The following PLCB2 variants were observed in gnomAD, a reference collection of about 807,000 sequenced individuals.
PLCB2 encodes phospholipase C beta 2.
A neutral mutation model predicts 141.7 loss-of-function variants in PLCB2; 115 were observed. The ratio of observed to expected loss-of-function variants is 0.81; its 90% CI spans 0.70 to 0.95. PLCB2 has a LOEUF of 0.95. PLCB2 is among the 40% of genes least tolerant of loss of function. The pLI, the probability that PLCB2 is intolerant of heterozygous loss-of-function variation, is 0.00. For missense variants in PLCB2, 1,403 were observed against 1,541.1 expected (o/e 0.91, Z 1.50); for synonymous variants, 603 against 595.6 (o/e 1.01, Z -0.18).
At chr15:40,298,541 A>G in intron 10 of PLCB2, 21 bp downstream of exon 10, 1 of 1,614,128 alleles carries the variant, frequency 6.2e-7, no homozygotes, top group Non-Finnish European at 8.5e-7. Context: ...AGAGGTTGGC[A>G]CCAATGTTAT....
At chr15:40,284,836 C>CAAAA (rs56397946), downstream of PLCB2, among the ~76,000 whole-genome samples, 528 of 74,798 alleles carry the variant, frequency 7.1e-3, 101 homozygotes, top group East Asian at 0.093. Flanking sequence ...GAGACTCCGT[C>CAAAA]AAAAAAAAAA....
intron 7 of PLCB2, chr15:40,301,369 A>G (rs2040496361): frequency 1.7e-6 from 1 of 597,748 alleles, no homozygotes; most frequent in Non-Finnish European, 3.0e-6. Flanking sequence ...ATATCAGCCC[A>G]GAGGGCTCCT....
intron 19 of PLCB2, among the ~76,000 whole-genome samples, chr15:40,294,043 C>G (rs2040070343): frequency 6.6e-6 from 1 of 152,234 alleles, no homozygotes; most frequent in Non-Finnish European, 1.5e-5. Flanking sequence ...CTCCCCCACC[C>G]CAGCCTCAGC....
rs1274471578 is a variant in PLCB2 at position 40,291,143 on chromosome 15, C to A, written c.2911G>T (p.Glu971Ter). 1 of 1,570,802 alleles carries A rather than the reference C, an allele frequency of 6.4e-7. No homozygotes were observed. The highest frequency in any genetic ancestry group is 2.3e-5 in the East Asian group (1 of 43,052). The part of the protein sequence containing the change: ...REESAGAAPG[E>*]GPEGVDGRVR... ...CGCCCGTCCACGCCCTCAGGGCCCT[C>A]GCCCGGCGCGGCTCCGGCGCTCTCC... is the stretch of plus-strand genomic sequence containing the variant. Residue 971 changes from glutamate to a stop codon, truncating the protein, a stop_gained, in exon 27 of 32, where the codon GAG (glutamate) becomes TAG (stop). Coordinates refer to ENST00000260402, the MANE Select transcript of PLCB2 (RefSeq NM_004573.3). LOFTEE classifies it high-confidence loss of function.
At chr15:40,284,779 G>A (rs2039585687), downstream of PLCB2, among the ~76,000 whole-genome samples, 1 of 137,870 alleles carries the variant, frequency 7.3e-6, no homozygotes, top group Admixed American at 8.1e-5. Flanking sequence ...GGCAGAGGTT[G>A]CAGTGAGCCG....
chr15:40,296,422 G>C lies in PLCB2; in HGVS notation c.1600-30C>G, dbSNP rs1446719891. 3.1e-6 allele frequency: 5 copies of C among 1,613,822 alleles called. No individual in the cohort carries two copies. The South Asian group carries it at 5.5e-5, about 18-fold the overall frequency. On this transcript the variant is annotated intron_variant, in intron 15 of 31. Coordinates refer to ENST00000260402, the MANE Select transcript of PLCB2 (RefSeq NM_004573.3). Reference sequence around the variant, plus strand: ...GGAGAAGAGGGGAGGGCAAAGAAGAGGAGGATGGTGCAGAGCCCAGGAATG... The same window carrying C: ...GGAGAAGAGGGGAGGGCAAAGAAGACGAGGATGGTGCAGAGCCCAGGAATG...
intron 22 of PLCB2, 89 bp from the exon 23 acceptor site, chr15:40,292,247 A>T (rs1411595029): frequency 1.3e-5 from 20 of 1,483,972 alleles, no homozygotes; most frequent in Non-Finnish European, 1.7e-5. Context: ...AGGATGCCCC[A>T]TCTGGATCCC....
chr15:40,292,628 G>A (rs116807779), intron 21 of PLCB2, among the ~76,000 whole-genome samples, 185 bp from the exon 22 acceptor site: 213 of 152,342 alleles, frequency 1.4e-3, no homozygotes, highest in African/African-American at 4.9e-3. Context: ...GTCTACTCAT[G>A]TGGTTATTGT....
chr15:40,288,874 AC>A lies in PLCB2; in HGVS notation c.3398del (p.Gly1133ValfsTer6). 6.2e-7 allele frequency: 1 copy of A among 1,613,748 alleles called. No homozygotes were observed. The highest frequency in any genetic ancestry group is 8.5e-7 in the Non-Finnish European group (1 of 1,179,926). ...CCGACTCCTTCACCTCTGCCTCCAG[AC>A]CCTTCATCCTGGCCTCGTACTCTGC... Reference protein sequence around the residue: ...ALAEYEARMKGLEAEVKESVR... With the variant: ...ALAEYEARMKXLEAEVKESVR... On this transcript the variant is annotated frameshift_variant, in exon 32 of 32. Transcript: ENST00000260402. LOFTEE classifies it low-confidence loss of function (END_TRUNC).
rs1467033244 is a variant in PLCB2, at chr15:40,289,330, T to C, written c.3296A>G (p.Glu1099Gly). Residue 1099 changes from glutamate (E) to glycine (G), a missense_variant, in exon 31 of 32, where the codon GAG (glutamate) becomes GGG (glycine). Glu to Gly is a moderately conservative substitution (Grantham distance 98, BLOSUM62 -2). Coordinates refer to ENST00000260402, the MANE Select transcript of PLCB2 (RefSeq NM_004573.3). ...QMTENLERHQ[E>G]KLEEKQAACL... ...AGCCGCCTGCTTCTCCTCCAGCTTC[T>C]CCTGGTGCCTCTCCAAGTTCTCCGT... The C allele has an allele frequency of 1.2e-6, 2 of 1,614,064 alleles. No individual in the cohort carries two copies. The highest frequency in any genetic ancestry group is 1.1e-5 in the South Asian group (1 of 91,078).
rs1448804269 is a variant in PLCB2 at position 40,291,191 on chromosome 15, G to A, written c.2871-8C>T. Reference sequence around the variant, plus strand: ...TCCTCGCGGGGCAGGCTCCTGGGGAGGCCACGTGGGGACAGGCCCTGAGAT... The same window carrying A: ...TCCTCGCGGGGCAGGCTCCTGGGGAAGCCACGTGGGGACAGGCCCTGAGAT... On this transcript the variant is annotated splice_region_variant and splice_polypyrimidine_tract_variant and intron_variant, in intron 26 of 31. Transcript: ENST00000260402. 6.4e-7 allele frequency: 1 copy of A among 1,570,694 alleles called. No individual in the cohort carries two copies. The highest frequency in any genetic ancestry group is 8.6e-7 in the Non-Finnish European group (1 of 1,166,444).
intron 20 of PLCB2, 95 bp downstream of exon 20, chr15:40,293,465 A>G: frequency 8.2e-7 from 1 of 1,216,988 alleles, no homozygotes; most frequent in Non-Finnish European, 1.2e-6. Context: ...GAGGAGGAGG[A>G]GGAAGGTCAA....
intron 1 of PLCB2, among the ~76,000 whole-genome samples, chr15:40,305,004 A>T (rs2141186118): frequency 6.6e-6 from 1 of 152,314 alleles, no homozygotes; most frequent in South Asian, 2.1e-4. Context: ...CTCAGATCAG[A>T]GGTGGTTAGA....
chr15:40,288,166 G>A lies in PLCB2; in HGVS notation c.*549C>T. 1 of 985,686 alleles carries A rather than the reference G, an allele frequency of 1.0e-6. No individual in the cohort carries two copies. Among genetic ancestry groups the A allele is most frequent in the Non-Finnish European group, 1.2e-6 (1 of 830,102 alleles). 61.1% of individuals were successfully genotyped at this position (985,686 alleles called of 1,614,324 possible). On this transcript the variant is annotated 3_prime_UTR_variant, in exon 32 of 32. Coordinates refer to ENST00000260402, the MANE Select transcript of PLCB2 (RefSeq NM_004573.3). ...CCATTTCAGCCTCCCGTTCCGGACAGGCAGAGGGGAGGGGAGGGCCCTCAG... is the reference window on the plus strand; with the variant it reads ...CCATTTCAGCCTCCCGTTCCGGACAAGCAGAGGGGAGGGGAGGGCCCTCAG...
At chr15:40,285,740 G>T, downstream of PLCB2, 53 of 985,450 alleles carry the variant, frequency 5.4e-5, no homozygotes, top group Non-Finnish European at 6.4e-5. Context: ...CAAGGTCAGA[G>T]GAGGGTGTAC....
intron 1 of PLCB2, among the ~76,000 whole-genome samples, chr15:40,306,533 A>T (rs2040805071): frequency 6.6e-6 from 1 of 152,048 alleles, no homozygotes; most frequent in Non-Finnish European, 1.5e-5. Flanking sequence ...CTCCTGGGGC[A>T]TGTCACCTCC....
chr15:40,290,568 A>T lies in PLCB2; in HGVS notation c.3209+9T>A, dbSNP rs781372499. 1.9e-6 allele frequency: 3 copies of T among 1,609,234 alleles called. No individual in the cohort carries two copies. In the Admixed American group the frequency reaches 5.0e-5, roughly 27 times the overall value. Reference sequence around the variant, plus strand: ...CTGCCCAGCCCTGGGCCTCCCCTCCAGGGCTCACCTCTCCTGGGCCATCTT... The same window carrying T: ...CTGCCCAGCCCTGGGCCTCCCCTCCTGGGCTCACCTCTCCTGGGCCATCTT... On this transcript the variant is annotated intron_variant, in intron 29 of 31. Transcript: ENST00000260402.
At position 40,302,493 on chromosome 15, in the gene PLCB2, G is replaced by A. The variant is rs2040570135; in HGVS notation, c.348C>T (p.Val116=). The part of the protein sequence containing the change: ...DMVDLTFHNF[V]SYKENVGKAW... The stretch of plus-strand genomic sequence containing the variant: ...CCTTGCCCACGTTCTCCTTGTAGGA[G>A]ACGAAGTTGTGGAAGGTGAGGTCCA... Residue 116 remains valine, a synonymous_variant, in exon 4 of 32, where the codon GTC becomes GTT. Coordinates refer to ENST00000260402, the MANE Select transcript of PLCB2 (RefSeq NM_004573.3). 1.2e-6 allele frequency: 2 copies of A among 1,614,042 alleles called. No homozygotes were observed. The highest frequency in any genetic ancestry group is 1.3e-5 in the African/African-American group (1 of 74,940).
At position 40,302,001 on chromosome 15, in the gene PLCB2, G is replaced by A. The variant is rs374092692; in HGVS notation, c.538C>T (p.Arg180Trp). 1.5e-5 allele frequency: 24 copies of A among 1,614,016 alleles called. No homozygotes were observed. The highest frequency in any genetic ancestry group is 7.7e-5 in the South Asian group (7 of 91,080). The change falls in exon 7 of 32, where the codon CGG becomes TGG. Residue 180 changes from arginine to tryptophan, a missense_variant. Arg to Trp is a moderately radical substitution (Grantham distance 101). Transcript: ENST00000260402. ...FFQMFPADRK[R>W]VEAALSACHL... is the part of the protein sequence containing the mutation. The stretch of plus-strand genomic sequence containing the variant: ...CAGGCACTGAGAGCAGCTTCCACCC[G>A]CTTGCGGTCAGCAGGAAACATCTGG...
Sources: gnomAD v4.1 joint callset for allele counts (sites outside exome capture counted in the v4.1 genomes callset) on GRCh38, gnomAD v4.1.1 for gene constraint, MANE v1.5 for transcripts, NCBI Gene and HGNC (gene_info 2026-07-23, HGNC 2026-07-21) for gene names.